Variants in AUTS2 observed in about 807,000 individuals in gnomAD.
AUTS2 encodes activator of transcription and developmental regulator AUTS2.
Under a neutral mutation model 112.4 loss-of-function variants are expected in AUTS2, and 17 were observed. The observed-to-expected ratio is 0.15, with a 90% CI of 0.10 to 0.23. The LOEUF is 0.23. AUTS2 is among the 10% of genes least tolerant of loss of function. AUTS2 has a pLI of 1.00. For synonymous variants in AUTS2, 751 were observed against 702.7 expected (o/e 1.07, Z -1.09); for missense variants, 1,510 against 1,701.6 (o/e 0.89, Z 1.98).
chr7:69,666,099 C>T (rs1363335142), intron 1 of AUTS2, among the ~76,000 whole-genome samples: 1 of 152,168 alleles, frequency 6.6e-6, no homozygotes, highest in African/African-American at 2.4e-5. Context: ...TTTCATTATA[C>T]ATATGCATAT....
At chr7:69,775,045 A>G (rs2129304215) in intron 1 of AUTS2, among the ~76,000 whole-genome samples, 1 of 152,370 alleles carries the variant, frequency 6.6e-6, no homozygotes, top group Non-Finnish European at 1.5e-5. Context: ...TGTTATCACC[A>G]CATGGAAATA....
chr7:70,431,028 G>C (rs1270449202), intron 4 of AUTS2, among the ~76,000 whole-genome samples: 1 of 151,814 alleles, frequency 6.6e-6, no homozygotes, highest in Admixed American at 6.6e-5. Flanking sequence ...TAGTAGAGAC[G>C]GGGTTTCACC....
At chr7:69,898,926 A>C (rs1390011792) in intron 1 of AUTS2, among the ~76,000 whole-genome samples, 1 of 152,188 alleles carries the variant, frequency 6.6e-6, no homozygotes, top group Non-Finnish European at 1.5e-5. Context: ...TGATGTACCA[A>C]CTTGGGAAAT....
At chr7:69,705,636 G>A (rs1437887106) in intron 1 of AUTS2, among the ~76,000 whole-genome samples, 1 of 152,118 alleles carries the variant, frequency 6.6e-6, no homozygotes, top group Admixed American at 6.5e-5. Context: ...ATTTGGAATG[G>A]GCCTATTCGT....
chr7:70,768,653 T>C (rs1292380984), intron 10 of AUTS2, among the ~76,000 whole-genome samples: 1 of 152,104 alleles, frequency 6.6e-6, no homozygotes, highest in Non-Finnish European at 1.5e-5. Context: ...TTTAAACTCA[T>C]TCTCCTTTAT....
At chr7:70,123,138 A>T (rs1805776476) in intron 3 of AUTS2, among the ~76,000 whole-genome samples, 1 of 152,016 alleles carries the variant, frequency 6.6e-6, no homozygotes, top group Non-Finnish European at 1.5e-5. Flanking sequence ...GGCCTTCCAA[A>T]GCGCTGGGAT....
At chr7:69,663,037 T>C (rs1010662942) in intron 1 of AUTS2, 8 of 152,264 alleles carry the variant, frequency 5.3e-5, no homozygotes, top group African/African-American at 1.7e-4. Flanking sequence ...CAGAACAGAC[T>C]TATATTACAG....
chr7:69,855,716 G>C (rs1323823694), intron 1 of AUTS2, among the ~76,000 whole-genome samples: 1 of 152,180 alleles, frequency 6.6e-6, no homozygotes, highest in African/African-American at 2.4e-5. Flanking sequence ...ATAACTGCCA[G>C]ACTTAACTTA....
chr7:70,721,471 T>G (rs1467415668), intron 6 of AUTS2, among the ~76,000 whole-genome samples: 2 of 152,142 alleles, frequency 1.3e-5, no homozygotes, highest in East Asian at 3.9e-4. Flanking sequence ...GCTGATTTTT[T>G]GTACTTTTAG....
rs139647780 is a variant in AUTS2 at position 70,397,963 on chromosome 7, A to C, written c.661-37789A>C. Among the ~76,000 whole-genome samples, 271 of 152,230 alleles carry C rather than the reference A, an allele frequency of 1.8e-3. 3 individuals are homozygous for C. The highest frequency in any genetic ancestry group is 0.017 in the Admixed American group (257 of 15,294). The stretch of plus-strand genomic sequence containing the variant: ...TCATTTTTGTATATGATGTGACTTC[A>C]ATTTTGTATATGGTATGAGGTATAG... On this transcript the variant is annotated intron_variant, in intron 4 of 18. Coordinates refer to ENST00000342771, the MANE Select transcript of AUTS2 (RefSeq NM_015570.4).
chr7:70,377,351 TATATATATATATATATATATATAGTG>T (rs1203595196), intron 4 of AUTS2, among the ~76,000 whole-genome samples: 3 of 116,076 alleles, frequency 2.6e-5, no homozygotes, highest in South Asian at 5.6e-4. Flanking sequence ...TATATATATA[TATATATATATATATATATATATAGTG>T]ATATATATAT....
intron 1 of AUTS2, among the ~76,000 whole-genome samples, chr7:69,725,121 C>T (rs1269166688): frequency 6.6e-6 from 1 of 152,118 alleles, no homozygotes; most frequent in Non-Finnish European, 1.5e-5. Context: ...GTCACCCCAT[C>T]CTCTGGCCTG....
chr7:70,550,142 T>C (rs2129518540), intron 5 of AUTS2, among the ~76,000 whole-genome samples: 1 of 152,292 alleles, frequency 6.6e-6, no homozygotes, highest in East Asian at 1.9e-4. Flanking sequence ...ACAAATCTTA[T>C]GCTCAAGAAT....
At chr7:70,123,700 G>A (rs998898212) in intron 3 of AUTS2, among the ~76,000 whole-genome samples, 2 of 152,152 alleles carry the variant, frequency 1.3e-5, no homozygotes, top group African/African-American at 4.8e-5. Flanking sequence ...TTATGGCAAT[G>A]TAGTATTTCG....
intron 5 of AUTS2, among the ~76,000 whole-genome samples, chr7:70,536,860 A>C (rs886099618): frequency 6.6e-6 from 1 of 152,106 alleles, no homozygotes; most frequent in Non-Finnish European, 1.5e-5. Flanking sequence ...AGATTGTGCC[A>C]TTGCACTCCA....
chr7:70,511,049 A>G (rs1237980832), intron 5 of AUTS2, among the ~76,000 whole-genome samples: 2 of 152,100 alleles, frequency 1.3e-5, no homozygotes, highest in East Asian at 3.9e-4. Context: ...AGGTTTCGCC[A>G]TGTTGGTCAG....
At chr7:69,958,170 G>A (rs961877863) in intron 2 of AUTS2, among the ~76,000 whole-genome samples, 4 of 152,026 alleles carry the variant, frequency 2.6e-5, no homozygotes, top group African/African-American at 9.7e-5. Flanking sequence ...ATAGCCCACC[G>A]GCCAATCCCG....
chr7:70,633,230 G>T (rs1463377188), intron 5 of AUTS2, among the ~76,000 whole-genome samples: 1 of 152,160 alleles, frequency 6.6e-6, no homozygotes, highest in Non-Finnish European at 1.5e-5. Context: ...CTGGCTCTGG[G>T]AAGAGACTGC....
rs1792215202 is a variant in AUTS2, at chr7:69,599,106, G to A, written c.-548G>A. ...AGAGGCGGCGGGGGTGTTTTCCTGCGCGAGGGGCGGGTGAAGTTCATTGCC... is the reference window on the plus strand; with the variant it reads ...AGAGGCGGCGGGGGTGTTTTCCTGCACGAGGGGCGGGTGAAGTTCATTGCC... On this transcript the variant is annotated 5_prime_UTR_variant, in exon 1 of 19. Transcript: ENST00000342771. The surrounding 1 kb of genome is among the most constrained non-coding windows in gnomAD (Gnocchi z 7.0). The A allele has an allele frequency of 6.6e-6, 1 of 151,746 alleles. No individual in the cohort carries two copies. Among genetic ancestry groups the A allele is most frequent in the Admixed American group, 6.6e-5 (1 of 15,260 alleles). The allele number at this position is 151,746 out of a possible 1,614,324, so 9.4% of individuals were successfully genotyped here. A position where few individuals can be genotyped will look rare whatever the true frequency, so the allele number is the denominator to read the frequency against.
Sources: allele counts gnomAD v4.1 joint callset (sites outside exome capture counted in the v4.1 genomes callset), GRCh38; gene constraint gnomAD v4.1.1; non-coding constraint Gnocchi (gnomAD v3.1); transcripts MANE v1.5; gene names NCBI Gene and HGNC (gene_info 2026-07-23, HGNC 2026-07-21).